Variants in ARHGAP32 observed in about 807,000 individuals in gnomAD.
The protein encoded by ARHGAP32 is Rho GTPase activating protein 32.
ARHGAP32 carries 51 observed loss-of-function variants against 186.5 expected under a neutral mutation model. That is an observed-to-expected ratio of 0.27 (90% CI 0.22 to 0.35). The LOEUF (loss-of-function observed/expected upper bound fraction) is 0.35, where lower values mean the gene tolerates loss of function less well. Among genes scored for constraint, ARHGAP32 ranks in the 10% least tolerant of loss-of-function variants. The pLI, the probability that ARHGAP32 is intolerant of heterozygous loss-of-function variation, is 1.00. For synonymous variants in ARHGAP32, 950 were observed against 964.3 expected, an observed-to-expected ratio of 0.99 and a Z score of 0.27; for missense variants, 2,186 against 2,623.5, an observed-to-expected ratio of 0.83 and a Z score of 3.64.
chr11:128,989,282 T>TA (rs1428351675), intron 12 of ARHGAP32, among the ~76,000 whole-genome samples: 2 of 152,054 alleles, frequency 1.3e-5, no homozygotes, highest in African/African-American at 4.8e-5. Context: ...CAGCAGCTGA[T>TA]AGTATTAAGT....
intron 2 of ARHGAP32, among the ~76,000 whole-genome samples, chr11:129,126,485 C>T (rs1443988751): frequency 6.6e-6 from 1 of 152,188 alleles, no homozygotes; most frequent in Admixed American, 6.5e-5. Context: ...TTCTAGTCTG[C>T]ATTTCACTTT....
rs1944428861 is a variant in ARHGAP32 at position 129,199,165 on chromosome 11, A to G, written c.-4-34738T>C. Among the ~76,000 whole-genome samples, 4 of 152,340 alleles carry G rather than the reference A, an allele frequency of 2.6e-5. No homozygotes were observed. The South Asian group carries it at 8.3e-4, about 32-fold the overall frequency. Reference sequence around the variant, plus strand: ...GCTGTTAAAAAGCATTCAGTTTTATAAGGGAAACAGAGAATAAAAGTTCAG... The same window carrying G: ...GCTGTTAAAAAGCATTCAGTTTTATGAGGGAAACAGAGAATAAAAGTTCAG... On this transcript the variant is annotated intron_variant, in intron 1 of 6. Transcript: ENST00000525234.
chr11:129,224,768 CAAAAAAAAAA>C (rs57944399), intron 1 of ARHGAP32, among the ~76,000 whole-genome samples: 26 of 104,274 alleles, frequency 2.5e-4, no homozygotes, highest in Non-Finnish European at 3.7e-4. Context: ...TTGGCTAGAG[CAAAAAAAAAA>C]AAAAAAAAAA....
chr11:128,971,448 A>C, intron 22 of ARHGAP32: 2 of 345,580 alleles, frequency 5.8e-6, no homozygotes, highest in East Asian at 5.1e-5. Context: ...TACAAACCAA[A>C]AGAGAGGTTT....
intron 10 of ARHGAP32, among the ~76,000 whole-genome samples, chr11:129,044,636 C>T (rs1050082140): frequency 3.9e-5 from 6 of 152,112 alleles, no homozygotes; most frequent in African/African-American, 1.2e-4. Flanking sequence ...GCTGAAGTTT[C>T]CTGACTCTCA....
At chr11:129,016,280 C>T (rs529359316) in intron 11 of ARHGAP32, among the ~76,000 whole-genome samples, 1 of 152,138 alleles carries the variant, frequency 6.6e-6, no homozygotes, top group South Asian at 2.1e-4. Flanking sequence ...GAATCCTTTA[C>T]GTATTATAAA....
At chr11:129,212,190 GTA>G (rs1944589581) in intron 1 of ARHGAP32, among the ~76,000 whole-genome samples, 1 of 151,964 alleles carries the variant, frequency 6.6e-6, no homozygotes, top group African/African-American at 2.4e-5. Context: ...TACTGAAATC[GTA>G]TAAATGCCCA....
upstream of ARHGAP32, among the ~76,000 whole-genome samples, chr11:129,195,450 G>A (rs1167404396): frequency 6.6e-6 from 1 of 152,120 alleles, no homozygotes; most frequent in Non-Finnish European, 1.5e-5. Flanking sequence ...CATCTTCCGA[G>A]GCTTGTTCTG....
intron 1 of ARHGAP32, among the ~76,000 whole-genome samples, chr11:129,249,114 A>G (rs1403440009): frequency 2.0e-5 from 3 of 152,226 alleles, no homozygotes; most frequent in Non-Finnish European, 4.4e-5. Flanking sequence ...GAATCTTTCT[A>G]GAATTCATTA....
intron 2 of ARHGAP32, among the ~76,000 whole-genome samples, chr11:129,135,651 C>CA (rs1190218474): frequency 6.6e-5 from 10 of 152,086 alleles, no homozygotes; most frequent in African/African-American, 2.4e-4. Context: ...CCTGTAGTCC[C>CA]AGCTACTCAG....
upstream of ARHGAP32, among the ~76,000 whole-genome samples, chr11:129,195,719 A>G (rs1332372767): frequency 1.3e-5 from 2 of 152,214 alleles, no homozygotes; most frequent in South Asian, 4.1e-4. Flanking sequence ...CGTCTCAAAA[A>G]AAAAGGAAAA....
intron 11 of ARHGAP32, among the ~76,000 whole-genome samples, chr11:129,037,926 C>T (rs1211544320): frequency 6.6e-6 from 1 of 151,694 alleles, no homozygotes; most frequent in East Asian, 1.9e-4. Flanking sequence ...CATGATGAAA[C>T]CCCATCTCTA....
intron 1 of ARHGAP32, among the ~76,000 whole-genome samples, chr11:129,263,109 G>A (rs139418130): frequency 1.3e-5 from 2 of 152,150 alleles, no homozygotes; most frequent in African/African-American, 2.4e-5. Flanking sequence ...GTGGATCAAC[G>A]ATCTAAACAT....
chr11:129,161,719 A>G (rs1943533523), intron 2 of ARHGAP32, among the ~76,000 whole-genome samples: 1 of 152,214 alleles, frequency 6.6e-6, no homozygotes, highest in Non-Finnish European at 1.5e-5. Flanking sequence ...TAGTTCAGCC[A>G]TTGTGGAAGA....
At chr11:129,020,418 T>C (rs1938544183) in intron 11 of ARHGAP32, among the ~76,000 whole-genome samples, 1 of 152,128 alleles carries the variant, frequency 6.6e-6, no homozygotes, top group Non-Finnish European at 1.5e-5. Context: ...CTACCTTTAA[T>C]TGCTAAGGAC....
intron 1 of ARHGAP32, among the ~76,000 whole-genome samples, chr11:129,231,247 C>A (rs1425978915): frequency 1.3e-5 from 2 of 152,170 alleles, no homozygotes; most frequent in East Asian, 3.9e-4. Flanking sequence ...TCTATTGAGA[C>A]ATCCTGCCCT....
chr11:129,160,339 AT>A (rs1379665033), intron 2 of ARHGAP32, among the ~76,000 whole-genome samples: 1 of 152,172 alleles, frequency 6.6e-6, no homozygotes, highest in Non-Finnish European at 1.5e-5. Context: ...ACGTGATTGT[AT>A]ATTTAAAAAA....
intron 1 of ARHGAP32, among the ~76,000 whole-genome samples, chr11:129,178,046 T>C (rs1402890708): frequency 8.0e-5 from 12 of 150,138 alleles, no homozygotes; most frequent in Non-Finnish European, 1.2e-4. Flanking sequence ...GAAAACCCCA[T>C]TGTCTCAGCC....
chr11:129,267,595 T>C (rs1165440860), intron 1 of ARHGAP32, among the ~76,000 whole-genome samples: 1 of 152,214 alleles, frequency 6.6e-6, no homozygotes, highest in Non-Finnish European at 1.5e-5. Flanking sequence ...CTGATCTAGG[T>C]TACTATGGAG....
Sources: allele counts gnomAD v4.1 joint callset (sites outside exome capture counted in the v4.1 genomes callset), GRCh38; gene constraint gnomAD v4.1.1; transcripts MANE v1.5; gene names NCBI Gene and HGNC (gene_info 2026-07-23, HGNC 2026-07-21).